Variants in WDR11 observed in about 807,000 individuals in gnomAD.
The protein encoded by WDR11 is WD repeat-containing protein 11.
WDR11 carries 83 observed loss-of-function variants against 151.2 expected under a neutral mutation model. The observed-to-expected ratio is 0.55, with a 90% CI of 0.46 to 0.66. The LOEUF (loss-of-function observed/expected upper bound fraction) is 0.66. Ranked by LOEUF, WDR11 falls within the 30% of genes least tolerant of loss-of-function variation. WDR11 has a pLI of 0.00. For missense variants in WDR11, 1,301 were observed against 1,480.9 expected (o/e 0.88, Z 1.99); for synonymous variants, 484 against 533.1 (o/e 0.91, Z 1.27).
intron 27 of WDR11, chr10:120,906,496 G>C (rs1848051120): frequency 7.6e-7 from 1 of 1,317,368 alleles, no homozygotes; most frequent in Admixed American, 3.2e-5. Context: ...GTCAACTCTG[G>C]ACAGGGGTAC....
At chr10:120,892,546 G>A (rs879522025) in intron 19 of WDR11, among the ~76,000 whole-genome samples, 2 of 152,202 alleles carry the variant, frequency 1.3e-5, no homozygotes, top group Non-Finnish European at 2.9e-5. Context: ...AAAAAAGTTT[G>A]AGGTAGTATA....
intron 1 of WDR11, chr10:120,852,221 G>A: frequency 5.5e-6 from 2 of 363,440 alleles, no homozygotes; most frequent in South Asian, 5.0e-5. Context: ...AATCGGATAA[G>A]CGAAAGACGT....
intron 22 of WDR11, 29 bp downstream of exon 22, chr10:120,902,351 G>A (rs761702522): frequency 3.4e-5 from 54 of 1,593,622 alleles, no homozygotes; most frequent in Non-Finnish European, 3.4e-6. Flanking sequence ...TTCTGTATAA[G>A]AGACAGGATT....
Position 120,866,577 on chromosome 10 carries a change from C to A in WDR11, c.1003C>A (p.Pro335Thr). 6.2e-7 allele frequency: 1 copy of A among 1,614,070 alleles called. No individual in the cohort carries two copies. Among genetic ancestry groups the A allele is most frequent in the Non-Finnish European group, 8.5e-7 (1 of 1,180,010 alleles). The stretch of plus-strand genomic sequence containing the variant: ...AACAATTTTATGTGAAGATCCAGAT[C>A]CAGTTCAGGAGCTTACCTATGATTT... The part of the protein sequence containing the change: ...TTSNEEPDPD[P>T]VQELTYDLRS... Residue 335 changes from proline (P) to threonine (T), a missense_variant, in exon 8 of 29, where the codon CCA becomes ACA. By Grantham distance (38) the Pro-to-Thr change is conservative (BLOSUM62 -1). This residue lies in a region of WDR11 where 692 missense variants were observed against 762.5 expected (regional missense o/e 0.91). Transcript: ENST00000263461.
rs369243512 is a variant in WDR11 at position 120,860,141 on chromosome 10, C to T, written c.385C>T (p.Arg129Cys). ...VQWLWNQDASRDLLLAIHPPN... is the reference protein window; with the variant it reads ...VQWLWNQDASCDLLLAIHPPN... ...GTGGTTGTGGAATCAAGATGCTTCCCGCGATTTACTGCTTGCTATCCACCC... is the reference window on the plus strand; with the variant it reads ...GTGGTTGTGGAATCAAGATGCTTCCTGCGATTTACTGCTTGCTATCCACCC... Residue 129 changes from arginine (R) to cysteine (C), a missense_variant, in exon 4 of 29, where the codon CGC (arginine) becomes TGC (cysteine). Arg to Cys is a radical substitution (Grantham distance 180, BLOSUM62 -3). Around this residue, in one of 3 missense-constraint regions of WDR11, gnomAD observed 692 missense variants for 762.5 expected, o/e 0.91. Transcript: ENST00000263461. The T allele has an allele frequency of 7.5e-5, 121 of 1,613,984 alleles. 1 individual carries two copies. The highest frequency in any genetic ancestry group is 8.3e-5 in the Non-Finnish European group (98 of 1,180,034).
rs1846086574 is a variant in WDR11, at chr10:120,860,017, T to C, written c.353-92T>C. ...CTGGTGGTTAAGTTTTTAAAGATTATATTTTAAAAACTAAATATCAAGGAC... is the reference window on the plus strand; with the variant it reads ...CTGGTGGTTAAGTTTTTAAAGATTACATTTTAAAAACTAAATATCAAGGAC... On this transcript the variant is annotated intron_variant, in intron 3 of 28. Transcript: ENST00000263461. 2.1e-6 allele frequency: 3 copies of C among 1,457,518 alleles called. No individual in the cohort carries two copies. The South Asian group carries it at 3.5e-5, about 17-fold the overall frequency. 90.3% of individuals were successfully genotyped at this position (1,457,518 alleles called of 1,614,324 possible). A position where few individuals can be genotyped will look rare whatever the true frequency, so the allele number is the denominator to read the frequency against.
intron 9 of WDR11, among the ~76,000 whole-genome samples, chr10:120,870,654 A>G (rs2133755484): frequency 6.6e-6 from 1 of 152,310 alleles, no homozygotes; most frequent in Non-Finnish European, 1.5e-5. Flanking sequence ...ACATTTTGTA[A>G]TTACACTGAC....
chr10:120,882,015 A>G (rs1847024153), intron 13 of WDR11, among the ~76,000 whole-genome samples: 1 of 152,098 alleles, frequency 6.6e-6, no homozygotes, highest in Admixed American at 6.6e-5. Flanking sequence ...TATCAAGTTG[A>G]AAAAGTTTTA....
chr10:120,865,759 C>A lies in WDR11; in HGVS notation c.994+15C>A. The stretch of plus-strand genomic sequence containing the variant: ...TGAGGAACCAGGTGAGTTTCTGTCT[C>A]ACAATAATGTTATATTTTTCTTCAA... On this transcript the variant is annotated intron_variant, in intron 7 of 28. Transcript: ENST00000263461. The A allele has an allele frequency of 1.3e-6, 2 of 1,509,620 alleles. No homozygotes were observed. Among genetic ancestry groups the A allele is most frequent in the Non-Finnish European group, 1.8e-6 (2 of 1,087,922 alleles). The allele number at this position is 1,509,620 out of a possible 1,614,324, so 93.5% of individuals were successfully genotyped here. A position where few individuals can be genotyped will look rare whatever the true frequency, so the allele number is the denominator to read the frequency against.
In WDR11 at chr10:120,883,792, A is replaced by G; in HGVS notation, c.1752A>G (p.Ala584=). The G allele has an allele frequency of 6.2e-7, 1 of 1,613,476 alleles. No individual in the cohort carries two copies. Among genetic ancestry groups the G allele is most frequent in the South Asian group, 1.1e-5 (1 of 91,076 alleles). Reference sequence around the variant, plus strand: ...TTGTTTATTTTAGGCAGTATTTGGCAGTCGTATTCAGAGATAAACCCCTGG... The same window carrying G: ...TTGTTTATTTTAGGCAGTATTTGGCGGTCGTATTCAGAGATAAACCCCTGG... ...IKVSHLKQYL[A]VVFRDKPLEL... The change falls in exon 14 of 29, where the codon GCA becomes GCG. Residue 584 remains alanine (A), a synonymous_variant. Coordinates refer to ENST00000263461, the MANE Select transcript of WDR11 (RefSeq NM_018117.12).
Position 120,852,582 on chromosome 10 carries a change from A to G in WDR11, c.145A>G (p.Ile49Val). 1 of 1,614,072 alleles carries G rather than the reference A, an allele frequency of 6.2e-7. No individual in the cohort carries two copies. Residue 49 changes from isoleucine to valine, a missense_variant, in exon 2 of 29, where the codon ATT becomes GTT. By Grantham distance (29) the Ile-to-Val change is conservative. This residue lies in a region of WDR11 where 692 missense variants were observed against 762.5 expected (regional missense o/e 0.91). Transcript: ENST00000263461. ...TTCACTTGTGGTAGTGATTGATTCC[A>G]TTACTGCCCAAACTCTTCAAGTTTT... ...CHSLVVVIDS[I>V]TAQTLQVLEK...
chr10:120,897,475 C>G (rs1464116563), intron 19 of WDR11, among the ~76,000 whole-genome samples: 2 of 152,064 alleles, frequency 1.3e-5, no homozygotes, highest in Non-Finnish European at 2.9e-5. Context: ...TGGTGAATAC[C>G]CCTTATCTAG....
At chr10:120,886,926 A>G (rs1377054862) in intron 16 of WDR11, 90 bp downstream of exon 16, 4 of 1,403,392 alleles carry the variant, frequency 2.9e-6, no homozygotes. Flanking sequence ...TGGAAACTTC[A>G]GAAAAGCCTA....
At position 120,866,625 on chromosome 10, in the gene WDR11, A is replaced by G. The variant is rs1476276699; in HGVS notation, c.1051A>G (p.Arg351Gly). 1.2e-6 allele frequency: 2 copies of G among 1,614,222 alleles called. No individual in the cohort carries two copies. Among genetic ancestry groups the G allele is most frequent in the Admixed American group, 1.7e-5 (1 of 60,024 alleles). Residue 351 changes from arginine (R) to glycine (G), a missense_variant, in exon 8 of 29, where the codon AGG (arginine) becomes GGG (glycine). Physicochemically the swap from Arg to Gly is moderately radical, Grantham distance 125. Around this residue, in one of 3 missense-constraint regions of WDR11, gnomAD observed 692 missense variants for 762.5 expected, o/e 0.91. Transcript: ENST00000263461. The part of the protein sequence containing the change: ...YDLRSQCDAI[R>G]VTKTVRPFSM... ...TTTACGAAGCCAGTGTGATGCAATCAGGGTGACAAAAACCGTCCGTCCCTT... is the reference window on the plus strand; with the variant it reads ...TTTACGAAGCCAGTGTGATGCAATCGGGGTGACAAAAACCGTCCGTCCCTT...
At chr10:120,852,085 TCTGTGG>T (rs1378550085) in intron 1 of WDR11, 1 of 228,212 alleles carries the variant, frequency 4.4e-6, no homozygotes, top group Non-Finnish European at 8.7e-6. Flanking sequence ...AAAGCAAAAT[TCTGTGG>T]CTGTGGGATG....
rs923520979 is a variant in WDR11, at chr10:120,905,341, G to T, written c.3216G>T (p.Leu1072=). 2 of 1,614,052 alleles carry T rather than the reference G, an allele frequency of 1.2e-6. No individual in the cohort carries two copies. Among genetic ancestry groups the T allele is most frequent in the Admixed American group, 1.7e-5 (1 of 60,010 alleles). The change falls in exon 26 of 29, where the codon CTG becomes CTT. Residue 1072 remains leucine (L), a synonymous_variant. Transcript: ENST00000263461. ...CAGAGGGCGTTCAGTTGCTCTGCCT[G>T]ATAGATAAGGCTGCAGACGCCTGCC... is the stretch of plus-strand genomic sequence containing the variant. ...KLAEGVQLLC[L]IDKAADACRY...
At chr10:120,871,467 G>C in intron 10 of WDR11, 121 bp downstream of exon 10, 1 of 1,044,848 alleles carries the variant, frequency 9.6e-7, no homozygotes, top group Non-Finnish European at 1.4e-6. Context: ...GAGACTAAGT[G>C]AAACTGTAAA....
In WDR11 at chr10:120,878,354, G is replaced by A; in HGVS notation, c.1558G>A (p.Gly520Ser). The change falls in exon 12 of 29, where the codon GGT (glycine) becomes AGT (serine). Residue 520 changes from glycine to serine, a missense_variant and splice_region_variant. By Grantham distance (56) the Gly-to-Ser change is moderately conservative. This residue lies in a region of WDR11 where 692 missense variants were observed against 762.5 expected (regional missense o/e 0.91). Transcript: ENST00000263461. ...CCTTTATCTCATTTCCTATTATAGG[G>A]GTATTGAATGGACAAGTTTGACTAG... The part of the protein sequence containing the change: ...ELSIHSCEVK[G>S]IEWTSLTSFL... 6.3e-7 allele frequency: 1 copy of A among 1,596,932 alleles called. No individual in the cohort carries two copies. Among genetic ancestry groups the A allele is most frequent in the Non-Finnish European group, 8.6e-7 (1 of 1,165,112 alleles).
intron 21 of WDR11, 38 bp from the exon 22 acceptor site, chr10:120,902,219 A>G: frequency 6.3e-7 from 1 of 1,584,214 alleles, no homozygotes; most frequent in Non-Finnish European, 8.7e-7. Flanking sequence ...GTTTGATTGA[A>G]AACTTTTGTC....
Sources: allele counts gnomAD v4.1 joint callset (sites outside exome capture counted in the v4.1 genomes callset), GRCh38; gene constraint gnomAD v4.1.1; regional missense constraint gnomAD v4.1.1; transcripts MANE v1.5; gene names NCBI Gene and HGNC (gene_info 2026-07-23, HGNC 2026-07-21).